Variants in PAH observed in about 807,000 individuals in gnomAD.
PAH encodes phenylalanine-4-hydroxylase.
Under a neutral mutation model 62.0 loss-of-function variants are expected in PAH, and 64 were observed. The observed-to-expected ratio is 1.03, with a 90% confidence interval of 0.84 to 1.27. PAH has a LOEUF of 1.27. PAH is among the 50% of genes most tolerant of loss of function. PAH has a pLI of 0.00. For synonymous variants in PAH, 195 were observed against 196.2 expected (o/e 0.99, Z 0.05); for missense variants, 579 against 542.8 (o/e 1.07, Z -0.66).
intron 1 of PAH, among the ~76,000 whole-genome samples, chr12:102,924,846 T>C (rs1878644134): frequency 6.6e-6 from 1 of 152,128 alleles, no homozygotes; most frequent in African/African-American, 2.4e-5. Context: ...ATGGACCTCA[T>C]GTTGCCTATT....
At chr12:102,906,067 C>T (rs1248158121) in intron 2 of PAH, among the ~76,000 whole-genome samples, 2 of 151,958 alleles carry the variant, frequency 1.3e-5, no homozygotes, top group Non-Finnish European at 2.9e-5. Context: ...AATGTGTAGA[C>T]AAATCACAAT....
chr12:102,928,626 C>T (rs991993271), intron 1 of PAH, among the ~76,000 whole-genome samples: 5 of 152,124 alleles, frequency 3.3e-5, no homozygotes, highest in African/African-American at 9.7e-5. Flanking sequence ...AGTCACTACT[C>T]ATCTAATAAA....
At chr12:102,905,348 G>A (rs1474394183) in intron 2 of PAH, among the ~76,000 whole-genome samples, 4 of 152,144 alleles carry the variant, frequency 2.6e-5, no homozygotes, top group Non-Finnish European at 5.9e-5. Context: ...TAACAGATAG[G>A]TGATGGGGTG....
exon 1 of PAH, chr12:102,950,753 G>T (rs540377206): frequency 6.6e-6 from 1 of 152,218 alleles, no homozygotes; most frequent in East Asian, 1.9e-4. Context: ...GCTCTCAGAG[G>T]TTCCTGACCC....
chr12:102,857,015 C>T (rs541178682), intron 5 of PAH, among the ~76,000 whole-genome samples: 7 of 152,154 alleles, frequency 4.6e-5, no homozygotes, highest in South Asian at 2.1e-4. Flanking sequence ...AGGCTTCAGA[C>T]GATAAAACTT....
intron 3 of PAH, among the ~76,000 whole-genome samples, chr12:102,888,179 A>G (rs1382877201): frequency 1.3e-5 from 2 of 152,100 alleles, no homozygotes; most frequent in Non-Finnish European, 2.9e-5. Flanking sequence ...TATGCAAATT[A>G]TATCATATAA....
chr12:102,882,931 T>C (rs1182001236), intron 3 of PAH, among the ~76,000 whole-genome samples: 1 of 151,756 alleles, frequency 6.6e-6, no homozygotes, highest in Non-Finnish European at 1.5e-5. Context: ...ATGTTAACCA[T>C]TAATATGACA....
chr12:102,866,330 CA>C (rs2136662868), intron 5 of PAH, among the ~76,000 whole-genome samples: 1 of 152,274 alleles, frequency 6.6e-6, no homozygotes, highest in South Asian at 2.1e-4. Flanking sequence ...CGTAATTAGA[CA>C]ACAAAGCTTG....
intron 8 of PAH, among the ~76,000 whole-genome samples, chr12:102,848,046 T>G (rs1202537405): frequency 6.6e-6 from 1 of 152,198 alleles, no homozygotes; most frequent in African/African-American, 2.4e-5. Context: ...AGTTTTTCCT[T>G]TCAGTGAAAC....
At chr12:102,906,167 TA>T (rs1877968204) in intron 2 of PAH, among the ~76,000 whole-genome samples, 1 of 152,196 alleles carries the variant, frequency 6.6e-6, no homozygotes, top group African/African-American at 2.4e-5. Context: ...CAAATTACCA[TA>T]TTTCACTCAT....
chr12:102,883,479 C>T (rs1876906708), intron 3 of PAH, among the ~76,000 whole-genome samples: 1 of 152,216 alleles, frequency 6.6e-6, no homozygotes, highest in Non-Finnish European at 1.5e-5. Context: ...CACCTGGCTT[C>T]ATTCAGCCCT....
chr12:102,924,290 T>C (rs1386951630), intron 1 of PAH, among the ~76,000 whole-genome samples: 2 of 152,138 alleles, frequency 1.3e-5, no homozygotes, highest in African/African-American at 4.8e-5. Context: ...ATAGAAAGTC[T>C]CAAACTCCAA....
At chr12:102,854,219 C>G (rs1410095855) in intron 6 of PAH, among the ~76,000 whole-genome samples, 1 of 152,134 alleles carries the variant, frequency 6.6e-6, no homozygotes, top group East Asian at 1.9e-4. Context: ...CCAAACTGTC[C>G]TGGCTACAAC....
upstream of PAH, chr12:102,953,696 G>A (rs185054669): frequency 1.2e-4 from 19 of 152,324 alleles, no homozygotes; most frequent in East Asian, 9.6e-4. Flanking sequence ...CAGAAATTAA[G>A]TCCCTTATTG....
intron 5 of PAH, among the ~76,000 whole-genome samples, chr12:102,864,908 G>A (rs764654117): frequency 6.6e-5 from 10 of 151,950 alleles, no homozygotes; most frequent in Non-Finnish European, 1.0e-4. Context: ...TAAATGAGAT[G>A]AGATAAAGTC....
At chr12:102,867,838 C>CCT (rs5800538) in intron 4 of PAH, among the ~76,000 whole-genome samples, 20,347 of 107,668 alleles carry the variant, frequency 0.19, 3,352 homozygotes, top group Admixed American at 0.35. Flanking sequence ...TCTCTCTCCC[C>CCT]CTCTCTCTCT....
At chr12:102,864,824 A>T (rs987122230) in intron 5 of PAH, among the ~76,000 whole-genome samples, 12 of 150,902 alleles carry the variant, frequency 8.0e-5, no homozygotes, top group African/African-American at 2.9e-4. Flanking sequence ...AAAAACAAGG[A>T]TGAACTATAT....
intron 3 of PAH, among the ~76,000 whole-genome samples, chr12:102,892,673 G>C (rs1007385782): frequency 3.9e-5 from 6 of 152,186 alleles, no homozygotes; most frequent in Non-Finnish European, 1.5e-5. Flanking sequence ...TTGCTAAATG[G>C]AGGAAGCCAG....
In PAH at chr12:102,877,442, C is replaced by T. The variant is rs111842675; in HGVS notation, c.441+20G>A. 3.7e-4 allele frequency: 591 copies of T among 1,591,056 alleles called. 3 individuals are homozygous for T. In the African/African-American group the frequency reaches 7.2e-3, roughly 19 times the overall value. On this transcript the variant is annotated intron_variant, in intron 4 of 12. Coordinates refer to ENST00000553106, the MANE Select transcript of PAH (RefSeq NM_000277.3). ...AGGAGAGGCACTGAAAAAATCTCAT[C>T]CTACGGGCCATGGACTCACAGGGTG...
Sources: gnomAD v4.1 joint callset for allele counts (sites outside exome capture counted in the v4.1 genomes callset) on GRCh38, gnomAD v4.1.1 for gene constraint, MANE v1.5 for transcripts, NCBI Gene and HGNC (gene_info 2026-07-23, HGNC 2026-07-21) for gene names.